The following GRM7 variants were observed in gnomAD, a reference collection of about 807,000 sequenced individuals.
GRM7 encodes the protein metabotropic glutamate receptor 7.
A neutral mutation model predicts 84.5 loss-of-function variants in GRM7; 35 were observed. The observed-to-expected ratio is 0.41, with a 90% CI of 0.32 to 0.55. The LOEUF is 0.55. Among genes scored for constraint, GRM7 ranks in the 20% least tolerant of loss-of-function variants. The pLI, the probability that GRM7 is intolerant of heterozygous loss-of-function variation, is 0.19. For missense variants in GRM7, 1,003 were observed against 1,194.6 expected (o/e 0.84, Z 2.36); for synonymous variants, 487 against 455.1 (o/e 1.07, Z -0.89).
intron 4 of GRM7, among the ~76,000 whole-genome samples, chr3:7,371,615 T>C (rs1462647228): frequency 1.3e-5 from 2 of 152,166 alleles, no homozygotes; most frequent in Non-Finnish European, 2.9e-5. Context: ...TTCTGAGCAA[T>C]GCACAATGAT....
At chr3:6,932,137 T>C (rs1697523127) in intron 1 of GRM7, among the ~76,000 whole-genome samples, 1 of 152,254 alleles carries the variant, frequency 6.6e-6, no homozygotes, top group South Asian at 2.1e-4. Flanking sequence ...TTGAATGTTA[T>C]GTTCTACCAT....
At chr3:7,321,399 T>C (rs80167139) in intron 4 of GRM7, among the ~76,000 whole-genome samples, 23,330 of 151,992 alleles carry the variant, frequency 0.15, 2,018 homozygotes, top group African/African-American at 0.23. Context: ...TCAATGAATA[T>C]AGAAACTAAC....
At chr3:7,203,934 T>G (rs777862089) in intron 2 of GRM7, among the ~76,000 whole-genome samples, 1 of 152,176 alleles carries the variant, frequency 6.6e-6, no homozygotes, top group African/African-American at 2.4e-5. Context: ...TTAACTATGT[T>G]AAGAGTACAG....
chr3:7,001,943 C>T (rs534603263), intron 1 of GRM7, among the ~76,000 whole-genome samples: 1 of 152,140 alleles, frequency 6.6e-6, no homozygotes, highest in Non-Finnish European at 1.5e-5. Flanking sequence ...CATTAAGTCC[C>T]CTAAGCCAAT....
At chr3:7,539,443 G>T (rs998559536) in intron 7 of GRM7, among the ~76,000 whole-genome samples, 1 of 151,920 alleles carries the variant, frequency 6.6e-6, no homozygotes, top group Admixed American at 6.6e-5. Context: ...TTGGGAGGCC[G>T]AGGTGGGTGG....
intron 7 of GRM7, among the ~76,000 whole-genome samples, chr3:7,493,388 T>G (rs567392397): frequency 1.1e-4 from 16 of 151,862 alleles, no homozygotes; most frequent in East Asian, 5.8e-4. Context: ...GTTTCTTGGT[T>G]GATTGATCCT....
intron 8 of GRM7, among the ~76,000 whole-genome samples, chr3:7,670,017 T>C (rs1699855223): frequency 6.8e-6 from 1 of 147,028 alleles, no homozygotes; most frequent in Non-Finnish European, 1.5e-5. Context: ...GTCACCCCAA[T>C]GGGCAATTCA....
chr3:6,863,029 A>C lies in GRM7; in HGVS notation c.519+1122A>C. 2.2e-6 allele frequency: 1 copy of C among 455,408 alleles called. No homozygotes were observed. Among genetic ancestry groups the C allele is most frequent in the Non-Finnish European group, 4.4e-6 (1 of 226,470 alleles). The allele number at this position is 455,408 out of a possible 1,614,324, so 28.2% of individuals were successfully genotyped here. ...AGGAATGAGTGGCTTTGGGGTTTGG[A>C]AATTGAGTTTCAGGGTCTCTGTGAT... is the stretch of plus-strand genomic sequence containing the variant. On this transcript the variant is annotated intron_variant, in intron 1 of 9. Coordinates refer to ENST00000357716, the MANE Select transcript of GRM7 (RefSeq NM_000844.4). The surrounding 1 kb of genome is among the most constrained non-coding windows in gnomAD (Gnocchi z 4.8).
chr3:6,881,389 G>T (rs1217456765), intron 1 of GRM7, among the ~76,000 whole-genome samples: 1 of 152,060 alleles, frequency 6.6e-6, no homozygotes, highest in East Asian at 1.9e-4. Flanking sequence ...AGAACATGCG[G>T]TGTTTGGTTT....
chr3:7,436,168 T>G (rs559691725), intron 5 of GRM7, among the ~76,000 whole-genome samples: 1 of 152,212 alleles, frequency 6.6e-6, no homozygotes, highest in East Asian at 1.9e-4. Context: ...ATTAACCTTA[T>G]AAAAATAACC....
At chr3:7,233,778 A>G (rs1235302358) in intron 2 of GRM7, among the ~76,000 whole-genome samples, 1 of 152,166 alleles carries the variant, frequency 6.6e-6, no homozygotes. Context: ...CGAACTGCAA[A>G]TAAATAAACC....
At chr3:7,646,312 C>A (rs1245211502) in intron 8 of GRM7, among the ~76,000 whole-genome samples, 1 of 152,160 alleles carries the variant, frequency 6.6e-6, no homozygotes, top group Non-Finnish European at 1.5e-5. Flanking sequence ...CTGCCTCAGC[C>A]TCCTGAGTAG....
intron 1 of GRM7, among the ~76,000 whole-genome samples, chr3:7,029,554 CA>C (rs1462622781): frequency 6.6e-6 from 1 of 152,132 alleles, no homozygotes; most frequent in Non-Finnish European, 1.5e-5. Context: ...AGCCATGCTA[CA>C]ACACAAATGA....
chr3:6,922,522 T>C (rs982690690), intron 1 of GRM7, among the ~76,000 whole-genome samples: 2 of 152,198 alleles, frequency 1.3e-5, no homozygotes, highest in Non-Finnish European at 2.9e-5. Flanking sequence ...AAATACAAGA[T>C]TCTGGTTTTT....
chr3:7,676,556 T>A (rs1248913645), intron 8 of GRM7, among the ~76,000 whole-genome samples: 1 of 149,572 alleles, frequency 6.7e-6, no homozygotes, highest in Non-Finnish European at 1.5e-5. Flanking sequence ...CCTCCCAGAT[T>A]CAAGTGATTC....
At chr3:7,684,566 A>G (rs1255903730) in intron 9 of GRM7, among the ~76,000 whole-genome samples, 1 of 152,210 alleles carries the variant, frequency 6.6e-6, no homozygotes, top group African/African-American at 2.4e-5. Flanking sequence ...CTACATGTCT[A>G]CATAAAAATG....
intron 2 of GRM7, among the ~76,000 whole-genome samples, chr3:7,186,070 C>G (rs1427434714): frequency 2.6e-5 from 4 of 152,174 alleles, no homozygotes; most frequent in Non-Finnish European, 5.9e-5. Flanking sequence ...GGCTGCTTAG[C>G]ATAGATATGT....
At chr3:7,502,799 TA>T (rs1327562216) in intron 7 of GRM7, among the ~76,000 whole-genome samples, 1 of 152,184 alleles carries the variant, frequency 6.6e-6, no homozygotes, top group Non-Finnish European at 1.5e-5. Context: ...ATATTAGTGA[TA>T]ATAGGTTGTA....
intron 8 of GRM7, among the ~76,000 whole-genome samples, chr3:7,632,553 G>A (rs542089123): frequency 6.6e-6 from 1 of 152,192 alleles, no homozygotes; most frequent in Non-Finnish European, 1.5e-5. Context: ...TTGCCTTGGG[G>A]CTGTTTTCCA....
Sources: gnomAD v4.1 joint callset for allele counts (sites outside exome capture counted in the v4.1 genomes callset) on GRCh38, gnomAD v4.1.1 for gene constraint, Gnocchi (gnomAD v3.1) non-coding constraint, MANE v1.5 for transcripts, NCBI Gene and HGNC (gene_info 2026-07-23, HGNC 2026-07-21) for gene names.